Variants in SLCO1B3 observed in about 807,000 individuals in gnomAD.
The protein encoded by SLCO1B3 is liver-specific organic anion transporter 2.
SLCO1B3 carries 72 observed loss-of-function variants against 71.8 expected under a neutral mutation model. The ratio of observed to expected loss-of-function variants is 1.00; its 90% CI spans 0.83 to 1.22. SLCO1B3 has a LOEUF of 1.22. SLCO1B3 is among the 50% of genes most tolerant of loss of function. SLCO1B3 has a pLI of 0.00. For missense variants in SLCO1B3, 911 were observed against 819.7 expected (o/e 1.11, Z -1.36); for synonymous variants, 298 against 278.4 (o/e 1.07, Z -0.70).
At chr12:20,862,988 C>A in intron 8 of SLCO1B3, 134 bp downstream of exon 8, 1 of 470,372 alleles carries the variant, frequency 2.1e-6, no homozygotes, top group Non-Finnish European at 3.7e-6. Flanking sequence ...GGAAATAAAT[C>A]CATTAATAAT....
chr12:20,893,667 TA>T (rs1865947617), intron 13 of SLCO1B3, among the ~76,000 whole-genome samples: 1 of 152,158 alleles, frequency 6.6e-6, no homozygotes, highest in Non-Finnish European at 1.5e-5. Flanking sequence ...ATGTAGGAAC[TA>T]AATATTTTGC....
chr12:20,888,521 T>C (rs908166895), intron 13 of SLCO1B3, among the ~76,000 whole-genome samples: 1 of 152,016 alleles, frequency 6.6e-6, no homozygotes, highest in African/African-American at 2.4e-5. Context: ...ATGGTACTTA[T>C]TTTTGTACAT....
intron 15 of SLCO1B3, among the ~76,000 whole-genome samples, chr12:20,911,887 G>C (rs1030887863): frequency 6.6e-6 from 1 of 151,976 alleles, no homozygotes; most frequent in Non-Finnish European, 1.5e-5. Flanking sequence ...AACAGCTTTT[G>C]TTTTTGTTGA....
intron 3 of SLCO1B3, among the ~76,000 whole-genome samples, chr12:20,845,431 T>C (rs1864897607): frequency 6.6e-6 from 1 of 152,174 alleles, no homozygotes; most frequent in Non-Finnish European, 1.5e-5. Context: ...AGTAAGAAGC[T>C]CACCTGTGAC....
At chr12:20,906,141 A>G (rs1360224813) in intron 15 of SLCO1B3, among the ~76,000 whole-genome samples, 3 of 152,220 alleles carry the variant, frequency 2.0e-5, no homozygotes, top group Non-Finnish European at 2.9e-5. Context: ...TTGGGCAGGG[A>G]CAGAAATCCA....
intron 8 of SLCO1B3, among the ~76,000 whole-genome samples, chr12:20,868,782 G>A (rs562085312): frequency 3.3e-5 from 5 of 152,240 alleles, no homozygotes; most frequent in Admixed American, 2.6e-4. Context: ...AAAAGGGGCA[G>A]GGTAAAGAGT....
chr12:20,849,022 A>G (rs1302742230), intron 3 of SLCO1B3, among the ~76,000 whole-genome samples: 1 of 152,116 alleles, frequency 6.6e-6, no homozygotes, highest in African/African-American at 2.4e-5. Context: ...TACCACACCA[A>G]TAGAAGGTAA....
At chr12:20,812,704 GGAAA>G (rs1209393438) in intron 1 of SLCO1B3, among the ~76,000 whole-genome samples, 1 of 152,130 alleles carries the variant, frequency 6.6e-6, no homozygotes, top group African/African-American at 2.4e-5. Context: ...GATATGCATA[GGAAA>G]GAAAGCAAGC....
intron 6 of SLCO1B3, among the ~76,000 whole-genome samples, chr12:20,861,929 T>G (rs1362214007): frequency 9.0e-6 from 1 of 111,176 alleles, no homozygotes; most frequent in Non-Finnish European, 2.1e-5. Context: ...ATGACATCCA[T>G]GTTTAACAGA....
intron 8 of SLCO1B3, among the ~76,000 whole-genome samples, chr12:20,870,796 T>G (rs1254164353): frequency 1.3e-5 from 2 of 152,200 alleles, no homozygotes; most frequent in Admixed American, 6.5e-5. Context: ...CTTTGGCTAT[T>G]TGAGGTCATT....
At chr12:20,856,532 T>C (rs761662634) in intron 4 of SLCO1B3, among the ~76,000 whole-genome samples, 1 of 152,196 alleles carries the variant, frequency 6.6e-6, no homozygotes, top group African/African-American at 2.4e-5. Context: ...AGGATGTTGA[T>C]AGGTTTTATG....
intron 3 of SLCO1B3, among the ~76,000 whole-genome samples, chr12:20,819,928 G>T (rs1378692452): frequency 6.6e-6 from 1 of 152,126 alleles, no homozygotes; most frequent in African/African-American, 2.4e-5. Context: ...ATGAGATGCG[G>T]CTGTAGTCCA....
chr12:20,866,357 C>T (rs1865373258), intron 8 of SLCO1B3, among the ~76,000 whole-genome samples: 2 of 152,104 alleles, frequency 1.3e-5, no homozygotes, highest in African/African-American at 2.4e-5. Context: ...ACATTGGGCA[C>T]ATAAACCTGT....
chr12:20,891,590 T>G (rs560724091), intron 13 of SLCO1B3, among the ~76,000 whole-genome samples: 4 of 152,238 alleles, frequency 2.6e-5, no homozygotes, highest in African/African-American at 9.6e-5. Flanking sequence ...GGGAAGTTTT[T>G]GGGAGTTATT....
At chr12:20,868,149 A>T (rs887760839) in intron 8 of SLCO1B3, among the ~76,000 whole-genome samples, 1 of 152,190 alleles carries the variant, frequency 6.6e-6, no homozygotes, top group African/African-American at 2.4e-5. Flanking sequence ...TGTTTATGCT[A>T]TTGGTAAGAA....
rs1390357867 is a variant in SLCO1B3, at chr12:20,916,397, A to G, written c.*150A>G. 2 of 658,878 alleles carry G rather than the reference A, an allele frequency of 3.0e-6. No homozygotes were observed. The highest frequency in any genetic ancestry group is 5.1e-6 in the Non-Finnish European group (2 of 393,524). 40.8% of individuals were successfully genotyped at this position (658,878 alleles called of 1,614,324 possible). A position where few individuals can be genotyped will look rare whatever the true frequency, so the allele number is the denominator to read the frequency against. ...ATGGGAGTACCCATGGTTAGGATAT[A>G]GCTATGCCTTTATGGTTAAGATTAG... On this transcript the variant is annotated 3_prime_UTR_variant, in exon 16 of 16. Transcript: ENST00000381545.
intron 3 of SLCO1B3, among the ~76,000 whole-genome samples, chr12:20,852,161 A>G (rs1474637441): frequency 3.3e-5 from 5 of 152,082 alleles, no homozygotes; most frequent in Admixed American, 6.6e-5. Flanking sequence ...TGTAAATTTT[A>G]TATTTGTTTT....
chr12:20,905,314 C>T (rs978237390), intron 15 of SLCO1B3, among the ~76,000 whole-genome samples: 34 of 152,166 alleles, frequency 2.2e-4, no homozygotes, highest in African/African-American at 8.0e-4. Flanking sequence ...AGATATTTTC[C>T]CCACTGTCTT....
chr12:20,860,929 A>G, intron 5 of SLCO1B3, 88 bp from the exon 6 acceptor site: 1 of 1,331,620 alleles, frequency 7.5e-7, no homozygotes, highest in Non-Finnish European at 1.0e-6. Flanking sequence ...AGCGGTTCAA[A>G]TAAAGGAGAA....
Sources: gnomAD v4.1 joint callset for allele counts (sites outside exome capture counted in the v4.1 genomes callset) on GRCh38, gnomAD v4.1.1 for gene constraint, MANE v1.5 for transcripts, NCBI Gene and HGNC (gene_info 2026-07-23, HGNC 2026-07-21) for gene names.